The following PKD2 variants were observed in gnomAD, a reference collection of about 807,000 sequenced individuals.
PKD2 encodes polycystin 2, transient receptor potential cation channel.
A neutral mutation model predicts 105.9 loss-of-function variants in PKD2; 48 were observed. That is an observed-to-expected ratio of 0.45 (90% CI 0.36 to 0.58). The LOEUF is 0.58. PKD2 is among the 20% of genes least tolerant of loss of function. The pLI is 0.00. For synonymous variants in PKD2, 464 were observed against 481.1 expected, an observed-to-expected ratio of 0.96 and a Z score of 0.46; for missense variants, 1,078 against 1,255.3, an observed-to-expected ratio of 0.86 and a Z score of 2.13.
intron 2 of PKD2, among the ~76,000 whole-genome samples, chr4:88,019,981 A>G (rs7687908): frequency 0.021 from 3,226 of 152,272 alleles, 114 homozygotes; most frequent in African/African-American, 0.074. Context: ...TCTCTTCTGC[A>G]CTCTGGTAAA....
At chr4:88,029,084 C>T (rs1727053628) in intron 2 of PKD2, among the ~76,000 whole-genome samples, 1 of 152,214 alleles carries the variant, frequency 6.6e-6, no homozygotes, top group Admixed American at 6.5e-5. Flanking sequence ...AGCCTCACTT[C>T]TGCCTCCTAA....
intron 2 of PKD2, among the ~76,000 whole-genome samples, chr4:88,025,629 A>G (rs1002051871): frequency 2.0e-5 from 3 of 151,436 alleles, no homozygotes; most frequent in Admixed American, 6.6e-5. Context: ...AAAAAAAAAG[A>G]AAAGAAAAGA....
At chr4:88,030,439 G>A (rs1300214603) in intron 2 of PKD2, among the ~76,000 whole-genome samples, 1 of 152,124 alleles carries the variant, frequency 6.6e-6, no homozygotes, top group Non-Finnish European at 1.5e-5. Flanking sequence ...CTATCTCAAC[G>A]TCAAGATAAA....
chr4:88,041,270 C>T (rs1040447549), intron 4 of PKD2, among the ~76,000 whole-genome samples: 1 of 152,124 alleles, frequency 6.6e-6, no homozygotes, highest in East Asian at 1.9e-4. Context: ...ACTGTGGTTA[C>T]GACACTCTCT....
In PKD2 at chr4:88,007,732, C is replaced by A. The variant is rs1325294561; in HGVS notation, c.-2C>A. The A allele has an allele frequency of 5.0e-6, 6 of 1,200,848 alleles. No homozygotes were observed. The African/African-American group carries it at 8.1e-5, about 16-fold the overall frequency. 74.4% of individuals were successfully genotyped at this position (1,200,848 alleles called of 1,614,324 possible). ...CCCGCGCGCCGGACGCCAGTGACCG[C>A]GATGGTGAACTCCAGTCGCGTGCAG... On this transcript the variant is annotated 5_prime_UTR_variant, in exon 1 of 15. Coordinates refer to ENST00000237596, the MANE Select transcript of PKD2 (RefSeq NM_000297.4).
intron 13 of PKD2, among the ~76,000 whole-genome samples, chr4:88,073,306 C>T (rs1359518963): frequency 6.6e-6 from 1 of 151,924 alleles, no homozygotes; most frequent in Non-Finnish European, 1.5e-5. Context: ...AGGCGGATCA[C>T]CTGAGGTCAG....
chr4:88,030,900 A>T (rs1727122379), intron 2 of PKD2, among the ~76,000 whole-genome samples: 1 of 152,242 alleles, frequency 6.6e-6, no homozygotes. Context: ...TTCCTGTAGT[A>T]TGTCCACTTA....
At chr4:88,056,057 C>T (rs762698335) in intron 7 of PKD2, 29 bp from the exon 8 acceptor site, 20 of 1,412,816 alleles carry the variant, frequency 1.4e-5, no homozygotes, top group Non-Finnish European at 1.7e-5. Context: ...TTTATCCATT[C>T]ATCTATTGAT....
chr4:88,065,415 T>A lies in PKD2; in HGVS notation c.2160T>A (p.Asn720Lys). Residue 720 changes from asparagine (N) to lysine (K), a missense_variant, in exon 11 of 15, where the codon AAT becomes AAA. Asn to Lys is a moderately conservative substitution (Grantham distance 94, BLOSUM62 0). Around this residue, in one of 2 missense-constraint regions of PKD2, gnomAD observed 868 missense variants for 1,067.3 expected, o/e 0.81. Transcript: ENST00000237596. ...KALVKLKLKKNTVDDISESLR... is the reference protein window; with the variant it reads ...KALVKLKLKKKTVDDISESLR... Reference sequence around the variant, plus strand: ...TGGTCAAACTAAAACTGAAAAAAAATACCGTGGATGACATTTCAGAGAGTC... The same window carrying A: ...TGGTCAAACTAAAACTGAAAAAAAAAACCGTGGATGACATTTCAGAGAGTC... 6.2e-7 allele frequency: 1 copy of A among 1,611,544 alleles called. No individual in the cohort carries two copies. Among genetic ancestry groups the A allele is most frequent in the African/African-American group, 1.3e-5 (1 of 74,946 alleles).
intron 13 of PKD2, among the ~76,000 whole-genome samples, chr4:88,072,519 AG>A (rs1225311514): frequency 2.6e-5 from 4 of 152,184 alleles, no homozygotes; most frequent in African/African-American, 9.7e-5. Flanking sequence ...TCTCCCCATG[AG>A]CAAAACTGCT....
At chr4:88,070,433 T>C (rs143864351) in intron 13 of PKD2, among the ~76,000 whole-genome samples, 8 of 151,990 alleles carry the variant, frequency 5.3e-5, no homozygotes, top group African/African-American at 1.9e-4. Context: ...GCTCTGTTCG[T>C]CGTCATTTTT....
intron 5 of PKD2, among the ~76,000 whole-genome samples, chr4:88,045,937 T>C (rs909931977): frequency 2.6e-5 from 4 of 152,044 alleles, no homozygotes; most frequent in African/African-American, 9.7e-5. Context: ...ATGTTTTGAG[T>C]GGATGGTTTA....
intron 6 of PKD2, among the ~76,000 whole-genome samples, chr4:88,048,331 C>T (rs1727851586): frequency 6.6e-6 from 1 of 152,014 alleles, no homozygotes; most frequent in African/African-American, 2.4e-5. Context: ...TAGATCAAGT[C>T]ATTATTAAAC....
chr4:88,060,856 T>C (rs1368346356), intron 9 of PKD2, among the ~76,000 whole-genome samples: 1 of 152,194 alleles, frequency 6.6e-6, no homozygotes, highest in African/African-American at 2.4e-5. Flanking sequence ...GCACTTTACA[T>C]AGATTGTCTC....
intron 12 of PKD2, among the ~76,000 whole-genome samples, chr4:88,066,275 G>C (rs1720791373): frequency 6.6e-6 from 1 of 152,026 alleles, no homozygotes; most frequent in African/African-American, 2.4e-5. Flanking sequence ...CAATGTCCGT[G>C]AGAGTGAAGA....
Position 88,075,595 on chromosome 4 carries a change from T to C in PKD2, c.2808T>C (p.Asn936=). 1 of 1,614,180 alleles carries C rather than the reference T, an allele frequency of 6.2e-7. No individual in the cohort carries two copies. The change falls in exon 15 of 15, where the codon AAT becomes AAC. Residue 936 remains asparagine, a synonymous_variant. Coordinates refer to ENST00000237596, the MANE Select transcript of PKD2 (RefSeq NM_000297.4). ...GTTTAGGCACGCCAGTGGGACTAAA[T>C]GGTCAACCTCGCCCCAGAAGCTCCC... ...SHGLGTPVGL[N]GQPRPRSSRP...
intron 13 of PKD2, among the ~76,000 whole-genome samples, chr4:88,071,883 T>C (rs1425777801): frequency 6.6e-6 from 1 of 152,166 alleles, no homozygotes; most frequent in Non-Finnish European, 1.5e-5. Flanking sequence ...GATTGGTCTA[T>C]TGTTTTCCAG....
At chr4:88,024,395 T>C (rs1367451071) in intron 2 of PKD2, among the ~76,000 whole-genome samples, 1 of 135,796 alleles carries the variant, frequency 7.4e-6, no homozygotes, top group Non-Finnish European at 1.5e-5. Flanking sequence ...AAGCAGAGGT[T>C]GCAGTGAGCC....
chr4:88,036,290 C>T lies in PKD2; in HGVS notation c.780C>T (p.Thr260=). 6.2e-7 allele frequency: 1 copy of T among 1,613,910 alleles called. No individual in the cohort carries two copies. The highest frequency in any genetic ancestry group is 8.5e-7 in the Non-Finnish European group (1 of 1,179,830). ...TRMMSQLFLD[T]PVSKTEKTNF... ...TGATGTCACAGCTCTTCCTAGACACCCCCGTGTCCAAAACGGAGAAAACTA... is the reference window on the plus strand; with the variant it reads ...TGATGTCACAGCTCTTCCTAGACACTCCCGTGTCCAAAACGGAGAAAACTA... The change falls in exon 3 of 15, where the codon ACC becomes ACT. Residue 260 remains threonine (T), a synonymous_variant. Coordinates refer to ENST00000237596, the MANE Select transcript of PKD2 (RefSeq NM_000297.4).
Sources: gnomAD v4.1 joint callset for allele counts (sites outside exome capture counted in the v4.1 genomes callset) on GRCh38, gnomAD v4.1.1 for gene constraint, gnomAD v4.1.1 regional missense constraint, MANE v1.5 for transcripts, NCBI Gene and HGNC (gene_info 2026-07-23, HGNC 2026-07-21) for gene names.